The following C1GALT1 variants were observed in gnomAD, a reference collection of about 807,000 sequenced individuals.
C1GALT1 encodes glycoprotein-N-acetylgalactosamine 3-beta-galactosyltransferase 1.
A neutral mutation model predicts 31.0 loss-of-function variants in C1GALT1; 11 were observed. The ratio of observed to expected loss-of-function variants is 0.36; its 90% CI spans 0.22 to 0.59. The LOEUF is 0.59. Among genes scored for constraint, C1GALT1 ranks in the 20% least tolerant of loss-of-function variants. The pLI is 0.79. For missense variants in C1GALT1, 424 were observed against 425.2 expected (o/e 1.00, Z 0.03); for synonymous variants, 175 against 143.6 (o/e 1.22, Z -1.56).
intron 1 of C1GALT1, among the ~76,000 whole-genome samples, chr7:7,216,752 G>A (rs1267993499): frequency 6.6e-6 from 1 of 152,098 alleles, no homozygotes. Flanking sequence ...GGACAATATC[G>A]GGACTAAAAT....
At chr7:7,171,184 T>C (rs1780450464) in intron 2 of C1GALT1, among the ~76,000 whole-genome samples, 1 of 152,198 alleles carries the variant, frequency 6.6e-6, no homozygotes, top group Admixed American at 6.5e-5. Flanking sequence ...ATTCTATTCA[T>C]TTTTGAAAGT....
chr7:7,185,758 A>G (rs1296355417), intron 1 of C1GALT1, among the ~76,000 whole-genome samples: 1 of 152,208 alleles, frequency 6.6e-6, no homozygotes, highest in East Asian at 1.9e-4. Flanking sequence ...TCACGTGCAG[A>G]GGTACTGGAA....
chr7:7,194,016 A>G (rs1244988746), intron 1 of C1GALT1, among the ~76,000 whole-genome samples: 1 of 151,964 alleles, frequency 6.6e-6, no homozygotes, highest in Admixed American at 6.6e-5. Context: ...ATTTGTGTAC[A>G]TTAATTTTGT....
chr7:7,190,326 A>G (rs1379478434), intron 1 of C1GALT1, among the ~76,000 whole-genome samples: 1 of 151,628 alleles, frequency 6.6e-6, no homozygotes, highest in East Asian at 1.9e-4. Flanking sequence ...CAAAATCGCG[A>G]TACATGTGGA....
At chr7:7,189,829 T>A (rs1174505589) in intron 1 of C1GALT1, among the ~76,000 whole-genome samples, 1 of 152,162 alleles carries the variant, frequency 6.6e-6, no homozygotes, top group Non-Finnish European at 1.5e-5. Flanking sequence ...AATACTGAAA[T>A]CTTAGAAACA....
intron 1 of C1GALT1, among the ~76,000 whole-genome samples, chr7:7,195,165 C>G (rs1158671662): frequency 6.6e-6 from 1 of 151,930 alleles, no homozygotes; most frequent in Non-Finnish European, 1.5e-5. Context: ...CTTTCTTTGT[C>G]TCAATTTCAT....
rs79006773 is a variant in C1GALT1, at chr7:7,189,601, A to C, written c.-18+6781A>C. ...TGGTTAACTATCTTTTTTATTATTT[A>C]TGATACTTTTTGGTTCTTTTTGCTG... On this transcript the variant is annotated intron_variant, in intron 1 of 3. Transcript: ENST00000436587. Among the ~76,000 whole-genome samples, 815 of 152,034 alleles carry C rather than the reference A, an allele frequency of 5.4e-3. 5 individuals are homozygous for C. Among genetic ancestry groups the C allele is most frequent in the Non-Finnish European group, 9.0e-3 (612 of 67,944 alleles).
intron 1 of C1GALT1, among the ~76,000 whole-genome samples, chr7:7,225,238 A>T (rs531095590): frequency 6.6e-6 from 1 of 152,176 alleles, no homozygotes; most frequent in East Asian, 1.9e-4. Flanking sequence ...AGTTAGTGCT[A>T]TAAGTTTTCC....
chr7:7,187,301 G>C (rs2128230265), intron 1 of C1GALT1, among the ~76,000 whole-genome samples: 1 of 151,750 alleles, frequency 6.6e-6, no homozygotes, highest in Admixed American at 6.5e-5. Flanking sequence ...CCAGGCTGGA[G>C]TGCAGTGGCG....
chr7:7,219,715 A>T (rs192697766), intron 1 of C1GALT1, among the ~76,000 whole-genome samples: 2 of 152,184 alleles, frequency 1.3e-5, no homozygotes, highest in East Asian at 3.8e-4. Flanking sequence ...CCCTTATCCA[A>T]TTGAAATATT....
intron 1 of C1GALT1, among the ~76,000 whole-genome samples, chr7:7,220,750 G>C (rs1302963890): frequency 6.6e-6 from 1 of 152,156 alleles, no homozygotes; most frequent in East Asian, 1.9e-4. Context: ...TTGATCTCTT[G>C]ACCTTGTGAT....
chr7:7,213,435 C>T (rs1000783374), intron 1 of C1GALT1, among the ~76,000 whole-genome samples: 12 of 151,928 alleles, frequency 7.9e-5, no homozygotes, highest in African/African-American at 7.3e-5. Flanking sequence ...TATTATTTAC[C>T]GAAATATAAT....
intron 2 of C1GALT1, among the ~76,000 whole-genome samples, chr7:7,165,124 A>G (rs1331955958): frequency 6.6e-6 from 1 of 152,156 alleles, no homozygotes; most frequent in Non-Finnish European, 1.5e-5. Flanking sequence ...TTTTATGTGA[A>G]CAGAACTAGA....
chr7:7,233,134 C>T lies in C1GALT1; in HGVS notation c.-17-1169C>T, dbSNP rs191543847. On this transcript the variant is annotated intron_variant, in intron 1 of 3. Coordinates refer to ENST00000436587, the MANE Select transcript of C1GALT1 (RefSeq NM_020156.5). ...ATTGTTAACAAAAGCTTAAAAAGGG[C>T]GTTTATGTCAATGTTTGGTTGTGGG... 1.4e-3 allele frequency among the ~76,000 whole-genome samples: 206 copies of T among 152,050 alleles called. 2 individuals carry two copies. The highest frequency in any genetic ancestry group is 2.1e-3 in the Non-Finnish European group (141 of 67,980).
At chr7:7,163,467 G>A (rs1780360011) in intron 2 of C1GALT1, among the ~76,000 whole-genome samples, 1 of 152,106 alleles carries the variant, frequency 6.6e-6, no homozygotes, top group Admixed American at 6.6e-5. Context: ...TCTGGCCAGG[G>A]CAATTAGGCA....
At chr7:7,185,247 A>G (rs750790490) in intron 1 of C1GALT1, among the ~76,000 whole-genome samples, 1 of 152,304 alleles carries the variant, frequency 6.6e-6, no homozygotes, top group South Asian at 2.1e-4. Context: ...ACGAGAGGCA[A>G]TATTAGGGAG....
At chr7:7,183,231 C>A (rs764836769) in intron 1 of C1GALT1, among the ~76,000 whole-genome samples, 19 of 151,944 alleles carry the variant, frequency 1.3e-4, no homozygotes, top group Non-Finnish European at 2.5e-4. Flanking sequence ...TCCTCCCGGG[C>A]CCTCCCCGCC....
At chr7:7,234,213 T>A (rs1783227715) in intron 1 of C1GALT1, 90 bp from the exon 2 acceptor site, 2 of 916,706 alleles carry the variant, frequency 2.2e-6, no homozygotes, top group Non-Finnish European at 3.3e-6. Flanking sequence ...AAATTAACTT[T>A]CCGTTATAGC....
chr7:7,247,272 T>C lies in C1GALT1; in HGVS notation c.*3545T>C, dbSNP rs1783885337. ...ATGATGTATTCACTATCTTTTAGAT[T>C]AAGATCTTTGTTATTTGGTAAATGA... On this transcript the variant is annotated 3_prime_UTR_variant, in exon 4 of 4. Transcript: ENST00000436587. The C allele has an allele frequency of 6.6e-6, 1 of 152,138 alleles. No homozygotes were observed. The highest frequency in any genetic ancestry group is 6.5e-5 in the Admixed American group (1 of 15,274). The allele number at this position is 152,138 out of a possible 1,614,324, so 9.4% of individuals were successfully genotyped here. A position where few individuals can be genotyped will look rare whatever the true frequency, so the allele number is the denominator to read the frequency against.
Sources: gnomAD v4.1 joint callset for allele counts (sites outside exome capture counted in the v4.1 genomes callset) on GRCh38, gnomAD v4.1.1 for gene constraint, MANE v1.5 for transcripts, NCBI Gene and HGNC (gene_info 2026-07-23, HGNC 2026-07-21) for gene names.